Variants in ZDHHC14 observed in about 807,000 individuals in gnomAD.
ZDHHC14 encodes the protein zDHHC palmitoyltransferase 14.
A neutral mutation model predicts 47.7 loss-of-function variants in ZDHHC14; 16 were observed. The ratio of observed to expected loss-of-function variants is 0.34; its 90% CI spans 0.23 to 0.51. ZDHHC14 has a LOEUF of 0.51. Ranked by LOEUF, ZDHHC14 falls within the 20% of genes least tolerant of loss-of-function variation. The pLI, the probability that ZDHHC14 is intolerant of heterozygous loss-of-function variation, is 0.97. For synonymous variants in ZDHHC14, 293 were observed against 278.9 expected (o/e 1.05, Z -0.50); for missense variants, 515 against 662.5 (o/e 0.78, Z 2.44).
chr6:157,522,388 C>T (rs1780952544), intron 1 of ZDHHC14, among the ~76,000 whole-genome samples: 1 of 152,188 alleles, frequency 6.6e-6, no homozygotes, highest in African/African-American at 2.4e-5. Context: ...ACTGGTACAT[C>T]TAGGTTCACA....
intron 1 of ZDHHC14, among the ~76,000 whole-genome samples, chr6:157,540,737 T>A (rs1044789420): frequency 6.6e-6 from 1 of 152,042 alleles, no homozygotes; most frequent in Non-Finnish European, 1.5e-5. Flanking sequence ...AATTGTGAAT[T>A]TAAGTTTTTT....
At chr6:157,385,423 T>C (rs1468989821) in intron 1 of ZDHHC14, among the ~76,000 whole-genome samples, 2 of 152,242 alleles carry the variant, frequency 1.3e-5, no homozygotes, top group African/African-American at 4.8e-5. Context: ...AACTTCATTG[T>C]CAAACATTAG....
chr6:157,540,571 C>G (rs1461540572), intron 1 of ZDHHC14, among the ~76,000 whole-genome samples: 1 of 152,148 alleles, frequency 6.6e-6, no homozygotes. Flanking sequence ...AGGTGGAACA[C>G]TCTCTCCTAA....
intron 1 of ZDHHC14, among the ~76,000 whole-genome samples, chr6:157,437,243 G>A (rs141462867): frequency 2.0e-5 from 3 of 152,308 alleles, no homozygotes; most frequent in South Asian, 2.1e-4. Context: ...GTGCTGTACT[G>A]TGCCTTCATT....
chr6:157,503,190 C>T (rs759891187), intron 1 of ZDHHC14, among the ~76,000 whole-genome samples: 2 of 152,202 alleles, frequency 1.3e-5, no homozygotes, highest in Non-Finnish European at 2.9e-5. Context: ...TCTGTCTGCT[C>T]AGCCCTCCAC....
intron 1 of ZDHHC14, among the ~76,000 whole-genome samples, chr6:157,423,352 TG>T (rs940506421): frequency 1.3e-5 from 2 of 152,196 alleles, no homozygotes; most frequent in African/African-American, 4.8e-5. Context: ...TCCTTTTATT[TG>T]GAATTTGTGA....
intron 2 of ZDHHC14, among the ~76,000 whole-genome samples, chr6:157,587,370 A>T (rs1783733923): frequency 6.6e-6 from 1 of 152,134 alleles, no homozygotes; most frequent in South Asian, 2.1e-4. Context: ...TTCTCTCCTT[A>T]TTGCAGAATC....
intron 1 of ZDHHC14, among the ~76,000 whole-genome samples, chr6:157,455,747 A>G (rs75537274): frequency 0.16 from 24,682 of 151,930 alleles, 2,407 homozygotes; most frequent in Middle Eastern, 0.22. Flanking sequence ...CTTACAGTCA[A>G]CTGGGGATAC....
chr6:157,431,639 A>G (rs1778340193), intron 1 of ZDHHC14, among the ~76,000 whole-genome samples: 1 of 152,260 alleles, frequency 6.6e-6, no homozygotes, highest in South Asian at 2.1e-4. Context: ...TCACCTCCTT[A>G]GGAAATTTGA....
chr6:157,426,429 A>T (rs1036838443), intron 1 of ZDHHC14, among the ~76,000 whole-genome samples: 2 of 152,226 alleles, frequency 1.3e-5, no homozygotes, highest in African/African-American at 2.4e-5. Flanking sequence ...GGCATGCCAC[A>T]TGCCGCATTA....
chr6:157,478,996 C>T (rs531821644), intron 1 of ZDHHC14, among the ~76,000 whole-genome samples: 1 of 152,170 alleles, frequency 6.6e-6, no homozygotes, highest in Non-Finnish European at 1.5e-5. Context: ...CAGGAAAGGT[C>T]CGCGGGGAGA....
At chr6:157,648,455 A>G (rs1777665405) in intron 7 of ZDHHC14, among the ~76,000 whole-genome samples, 1 of 151,924 alleles carries the variant, frequency 6.6e-6, no homozygotes, top group African/African-American at 2.4e-5. Flanking sequence ...AAAAAATCCA[A>G]GCATATATTC....
chr6:157,479,632 A>G (rs1779574516), intron 1 of ZDHHC14, among the ~76,000 whole-genome samples: 1 of 152,224 alleles, frequency 6.6e-6, no homozygotes, highest in African/African-American at 2.4e-5. Flanking sequence ...GGTTGGCTCT[A>G]CTTCTCAAAG....
intron 3 of ZDHHC14, among the ~76,000 whole-genome samples, chr6:157,621,082 G>A (rs528823548): frequency 7.2e-5 from 11 of 152,256 alleles, no homozygotes; most frequent in Admixed American, 5.9e-4. Flanking sequence ...CTGAGTCATC[G>A]GACACAGTAG....
intron 1 of ZDHHC14, among the ~76,000 whole-genome samples, chr6:157,535,192 G>A (rs1250307601): frequency 6.6e-6 from 1 of 152,154 alleles, no homozygotes; most frequent in East Asian, 1.9e-4. Flanking sequence ...TCCGCTCTCT[G>A]TTCACGCAAG....
intron 8 of ZDHHC14, 87 bp from the exon 9 acceptor site, chr6:157,672,637 C>CCCG: frequency 6.4e-6 from 2 of 313,444 alleles, no homozygotes; most frequent in Non-Finnish European, 1.2e-5. Flanking sequence ...CCACCCTCCC[C>CCCG]GCCCGTGCCC....
At chr6:157,670,631 C>G (rs1778754840) in intron 8 of ZDHHC14, among the ~76,000 whole-genome samples, 1 of 152,102 alleles carries the variant, frequency 6.6e-6, no homozygotes, top group Non-Finnish European at 1.5e-5. Flanking sequence ...TTCCTTTCCT[C>G]CAAATAACCC....
intron 1 of ZDHHC14, among the ~76,000 whole-genome samples, chr6:157,522,397 C>A (rs983871580): frequency 6.6e-6 from 1 of 152,188 alleles, no homozygotes; most frequent in African/African-American, 2.4e-5. Flanking sequence ...TCTAGGTTCA[C>A]AAACAGTCCT....
chr6:157,491,155 C>T (rs2114727430), intron 1 of ZDHHC14, among the ~76,000 whole-genome samples: 1 of 152,324 alleles, frequency 6.6e-6, no homozygotes, highest in South Asian at 2.1e-4. Flanking sequence ...CGTTTGTCCC[C>T]TCGTTCTGTG....
Sources: allele counts gnomAD v4.1 joint callset (sites outside exome capture counted in the v4.1 genomes callset), GRCh38; gene constraint gnomAD v4.1.1; transcripts MANE v1.5; gene names NCBI Gene and HGNC (gene_info 2026-07-23, HGNC 2026-07-21).